The following CYRIB variants were observed in gnomAD, a reference collection of about 807,000 sequenced individuals.
CYRIB encodes the protein CYFIP-related Rac1 interactor B.
In CYRIB, 8 loss-of-function variants were observed where a neutral mutation model predicts 44.2. The observed-to-expected ratio is 0.18, with a 90% CI of 0.11 to 0.33. The LOEUF is 0.33. Ranked by LOEUF, CYRIB falls within the 10% of genes least tolerant of loss-of-function variation. The pLI is 1.00. For synonymous variants in CYRIB, 131 were observed against 127.2 expected (o/e 1.03, Z -0.20); for missense variants, 185 against 382.8 (o/e 0.48, Z 4.31).
chr8:129,900,633 C>T (rs147630438), intron 2 of CYRIB, among the ~76,000 whole-genome samples: 10 of 152,274 alleles, frequency 6.6e-5, no homozygotes, highest in Admixed American at 2.0e-4. Flanking sequence ...GCAATGATGG[C>T]GTTTCTCTTC....
intron 2 of CYRIB, among the ~76,000 whole-genome samples, chr8:129,885,227 T>C (rs1263963020): frequency 1.3e-5 from 2 of 152,216 alleles, no homozygotes. Context: ...CCTTCAGGGC[T>C]CATCTTAAAA....
At chr8:129,938,163 T>G (rs764554885) in intron 1 of CYRIB, among the ~76,000 whole-genome samples, 6 of 152,190 alleles carry the variant, frequency 3.9e-5, no homozygotes, top group Non-Finnish European at 8.8e-5. Context: ...GAATGCTGAT[T>G]AGGGAGTTTC....
exon 12 of CYRIB, chr8:129,840,278 G>A (rs1259641796): frequency 6.6e-6 from 1 of 152,480 alleles, no homozygotes; most frequent in Non-Finnish European, 1.5e-5. Context: ...CTAGCTTCTA[G>A]TGACTTCCTC....
intron 4 of CYRIB, 64 bp downstream of exon 6, chr8:129,871,311 A>T: frequency 6.7e-7 from 1 of 1,486,892 alleles, no homozygotes; most frequent in African/African-American, 1.4e-5. Flanking sequence ...CTAGAAAACA[A>T]GAGATTACAA....
chr8:129,855,347 C>T (rs1277154032), intron 6 of CYRIB, among the ~76,000 whole-genome samples: 4 of 150,454 alleles, frequency 2.7e-5, no homozygotes, highest in African/African-American at 9.8e-5. Flanking sequence ...GCTGAGATCA[C>T]GCCACTGCAC....
chr8:129,951,659 T>C (rs2094508338), intron 2 of CYRIB, among the ~76,000 whole-genome samples: 1 of 149,574 alleles, frequency 6.7e-6, no homozygotes, highest in African/African-American at 2.5e-5. Flanking sequence ...TGAGCCAAGA[T>C]TGTGCCACTG....
intron 9 of CYRIB, chr8:129,850,343 A>G (rs1199123866): frequency 6.3e-6 from 1 of 159,322 alleles, no homozygotes; most frequent in East Asian, 1.9e-4. Flanking sequence ...TAGAGAGGAG[A>G]GAAAAAAAAA....
chr8:130,006,616 G>A (rs761620265), intron 1 of CYRIB, among the ~76,000 whole-genome samples: 6 of 3,196 alleles, frequency 1.9e-3, no homozygotes, highest in Non-Finnish European at 4.3e-3. Flanking sequence ...ACATATATAT[G>A]TGTATATATA....
At chr8:129,932,520 A>G (rs10097321) in intron 1 of CYRIB, among the ~76,000 whole-genome samples, 6,229 of 152,252 alleles carry the variant, frequency 0.041, 406 homozygotes, top group African/African-American at 0.14. Flanking sequence ...TCCTCTTCAC[A>G]TCATCCTGTA....
At position 129,861,404 on chromosome 8, in the gene CYRIB, T is replaced by C. The variant is rs563351447; in HGVS notation, c.301+825A>G. On this transcript the variant is annotated intron_variant, in intron 5 of 11. Transcript: ENST00000519824. Reference sequence around the variant, plus strand: ...TTTGAACTCTTTTTGCTTTAATAACTCCCTAGACAACTTTGGGTATATCAT... The same window carrying C: ...TTTGAACTCTTTTTGCTTTAATAACCCCCTAGACAACTTTGGGTATATCAT... 5.3e-5 allele frequency among the ~76,000 whole-genome samples: 8 copies of C among 152,250 alleles called. No homozygotes were observed. The South Asian group carries it at 1.2e-3, about 24-fold the overall frequency.
At chr8:129,892,460 T>C (rs995444420) in intron 2 of CYRIB, among the ~76,000 whole-genome samples, 9 of 152,202 alleles carry the variant, frequency 5.9e-5, no homozygotes, top group African/African-American at 2.2e-4. Flanking sequence ...CACATTTAAT[T>C]ACCAAAATTG....
intron 1 of CYRIB, among the ~76,000 whole-genome samples, chr8:129,976,092 C>CA (rs536376142): frequency 2.3e-4 from 35 of 149,110 alleles, no homozygotes; most frequent in Middle Eastern, 3.4e-3. Flanking sequence ...GTTAATTAAA[C>CA]AAAAAAAAAA....
chr8:129,896,675 C>G (rs894491968), intron 2 of CYRIB: 1 of 152,224 alleles, frequency 6.6e-6, no homozygotes. Context: ...CACCCACCTC[C>G]CCAGAGTGAG....
chr8:129,900,903 G>A (rs1159666560), intron 2 of CYRIB, among the ~76,000 whole-genome samples: 4 of 151,982 alleles, frequency 2.6e-5, no homozygotes, highest in Non-Finnish European at 5.9e-5. Flanking sequence ...TGAACTCCTG[G>A]CCTCAAGTGA....
chr8:129,894,312 A>C (rs1487317655), intron 2 of CYRIB, among the ~76,000 whole-genome samples: 1 of 152,144 alleles, frequency 6.6e-6, no homozygotes, highest in Non-Finnish European at 1.5e-5. Flanking sequence ...CAAAACCTCA[A>C]GTTTAATTTT....
chr8:130,007,890 G>A (rs1294994783), intron 1 of CYRIB, among the ~76,000 whole-genome samples: 2 of 151,388 alleles, frequency 1.3e-5, no homozygotes, highest in African/African-American at 4.9e-5. Flanking sequence ...AACCCACGAC[G>A]TGATCCTGAT....
At chr8:129,880,252 G>A (rs1249280516) in intron 2 of CYRIB, 1 of 398,646 alleles carries the variant, frequency 2.5e-6, no homozygotes, top group Non-Finnish European at 3.4e-6. Flanking sequence ...AAAAAATCAT[G>A]CAACCTTTGT....
intron 1 of CYRIB, among the ~76,000 whole-genome samples, chr8:129,931,199 C>T (rs1030260939): frequency 6.6e-6 from 1 of 151,682 alleles, no homozygotes; most frequent in Non-Finnish European, 1.5e-5. Context: ...ATTCCCTTCA[C>T]TAACTATGCT....
intron 4 of CYRIB, chr8:129,864,767 G>T (rs531289000): frequency 3.0e-5 from 12 of 399,464 alleles, no homozygotes; most frequent in South Asian, 2.4e-4. Flanking sequence ...CATTGCTAAG[G>T]AGTGAGCTGG....
Sources: allele counts gnomAD v4.1 joint callset (sites outside exome capture counted in the v4.1 genomes callset), GRCh38; gene constraint gnomAD v4.1.1; transcripts MANE v1.5; gene names NCBI Gene and HGNC (gene_info 2026-07-23, HGNC 2026-07-21).